ANKRD30A: variants seen among roughly 807,000 people sequenced by gnomAD.
ANKRD30A encodes the protein ankyrin repeat domain-containing protein 30A.
A neutral mutation model predicts 166.3 loss-of-function variants in ANKRD30A; 170 were observed. The ratio of observed to expected loss-of-function variants is 1.02; its 90% CI spans 0.90 to 1.16. ANKRD30A has a LOEUF of 1.16. Ranked by LOEUF, ANKRD30A falls within the 50% of genes most tolerant of loss-of-function variation. The probability of loss-of-function intolerance (pLI) is 0.00; values close to 1 mark genes in which losing one functional copy is unlikely to be tolerated. For synonymous variants in ANKRD30A, 564 were observed against 508.9 expected, an observed-to-expected ratio of 1.11 and a Z score of -1.46; for missense variants, 1,630 against 1,518.0, an observed-to-expected ratio of 1.07 and a Z score of -1.23.
At chr10:37,191,152 A>C (rs1840534072) in intron 25 of ANKRD30A, among the ~76,000 whole-genome samples, 1 of 151,438 alleles carries the variant, frequency 6.6e-6, no homozygotes, top group Admixed American at 6.6e-5. Flanking sequence ...AAAGCTTATT[A>C]AATTTGCTAT....
chr10:37,155,589 G>A (rs886080500), intron 13 of ANKRD30A, among the ~76,000 whole-genome samples: 35 of 152,080 alleles, frequency 2.3e-4, no homozygotes, highest in African/African-American at 6.3e-4. Context: ...AGCATTCTAC[G>A]TTCAGCTTTT....
At chr10:37,226,980 T>A (rs950693787) in intron 34 of ANKRD30A, among the ~76,000 whole-genome samples, 1 of 151,926 alleles carries the variant, frequency 6.6e-6, no homozygotes, top group Admixed American at 6.6e-5. Flanking sequence ...GAGAAATGTC[T>A]CTTTCCATCC....
intron 13 of ANKRD30A, among the ~76,000 whole-genome samples, chr10:37,157,500 G>A (rs1447614585): frequency 3.3e-5 from 5 of 152,268 alleles, no homozygotes; most frequent in South Asian, 4.1e-4. Context: ...CAAGTAGCTG[G>A]GTTTACAGGC....
At chr10:37,239,930 C>G in the ANKRD30A span, among the ~76,000 whole-genome samples, 1 of 152,000 alleles carries the variant, frequency 6.6e-6, no homozygotes, top group African/African-American at 2.4e-5. Context: ...TAATATTTGA[C>G]TTATTTAAAA....
At chr10:37,255,118 G>C in the ANKRD30A span, among the ~76,000 whole-genome samples, 1 of 152,132 alleles carries the variant, frequency 6.6e-6, no homozygotes, top group Admixed American at 6.5e-5. Context: ...GGCCATAAAG[G>C]TTTATTGCTA....
chr10:37,221,044 ATTT>A (rs35150938), intron 34 of ANKRD30A, among the ~76,000 whole-genome samples: 112 of 131,002 alleles, frequency 8.5e-4, no homozygotes, highest in African/African-American at 2.8e-3. Flanking sequence ...TCCTTCCCAC[ATTT>A]TTTTTTTTTT....
Position 37,231,581 on chromosome 10 carries a change from A to T in ANKRD30A, c.*112A>T. The T allele has an allele frequency of 1.3e-6, 1 of 791,780 alleles. No individual in the cohort carries two copies. The highest frequency in any genetic ancestry group is 1.9e-6 in the Non-Finnish European group (1 of 520,830). The allele number at this position is 791,780 out of a possible 1,614,324, so 49.0% of individuals were successfully genotyped here. On this transcript the variant is annotated 3_prime_UTR_variant, in exon 35 of 36. Coordinates refer to ENST00000361713, the MANE Select transcript of ANKRD30A (RefSeq NM_052997.3). ...ACCTTATGTTGAAAATCTTACCAATAGTCTGTGTCAACAGAATACTTATTT... is the reference window on the plus strand; with the variant it reads ...ACCTTATGTTGAAAATCTTACCAATTGTCTGTGTCAACAGAATACTTATTT...
Position 37,165,130 on chromosome 10 carries a change from A to G in ANKRD30A, c.2039A>G (p.Tyr680Cys), listed in dbSNP as rs1357729821. ...ILPSESKQKD[Y>C]EENSWDTESL... is the part of the protein sequence containing the mutation. ...CCATCAGAATCCAAACAAAAGGACT[A>G]TGAAGAAAATTCTTGGGATACTGAG... The change falls in exon 18 of 36, where the codon TAT (tyrosine) becomes TGT (cysteine). Residue 680 changes from tyrosine to cysteine, a missense_variant. Coordinates refer to ENST00000361713, the MANE Select transcript of ANKRD30A (RefSeq NM_052997.3). The G allele has an allele frequency of 1.2e-6, 2 of 1,609,170 alleles. No individual in the cohort carries two copies. Among genetic ancestry groups the G allele is most frequent in the African/African-American group, 2.7e-5 (2 of 74,794 alleles).
Position 37,201,050 on chromosome 10 carries a change from T to G in ANKRD30A, c.2779-185T>G, listed in dbSNP as rs976806538. 1.7e-4 allele frequency among the ~76,000 whole-genome samples: 26 copies of G among 152,052 alleles called. 1 individual carries two copies. The highest frequency in any genetic ancestry group is 6.3e-4 in the African/African-American group (26 of 41,434). ...GGCCACATGGACATAAAGATCAGCTTGATGTAGAGAGGGTTATGTGAGGTT... is the reference window on the plus strand; with the variant it reads ...GGCCACATGGACATAAAGATCAGCTGGATGTAGAGAGGGTTATGTGAGGTT... On this transcript the variant is annotated intron_variant, in intron 30 of 35. Transcript: ENST00000361713.
the ANKRD30A span, among the ~76,000 whole-genome samples, chr10:37,265,862 C>A: frequency 4.6e-5 from 7 of 152,316 alleles, no homozygotes; most frequent in Non-Finnish European, 8.8e-5. Flanking sequence ...ACTTACTCTG[C>A]GGAAGTAAAC....
chr10:37,239,136 G>T, the ANKRD30A span, among the ~76,000 whole-genome samples: 1 of 152,192 alleles, frequency 6.6e-6, no homozygotes, highest in East Asian at 1.9e-4. Flanking sequence ...AATGGAGCTT[G>T]AAATAATCCC....
intron 29 of ANKRD30A, among the ~76,000 whole-genome samples, 178 bp downstream of exon 29, chr10:37,197,658 A>T (rs1200519618): frequency 6.6e-6 from 1 of 151,912 alleles, no homozygotes; most frequent in Non-Finnish European, 1.5e-5. Context: ...AATTTTCAAT[A>T]TTTTTTTTAA....
intron 2 of ANKRD30A, 73 bp downstream of exon 2, chr10:37,130,080 C>T: frequency 8.2e-7 from 1 of 1,217,670 alleles, no homozygotes; most frequent in Non-Finnish European, 1.1e-6. Flanking sequence ...GAATTTATCT[C>T]ATTGAAATAC....
At chr10:37,256,123 C>T in the ANKRD30A span, among the ~76,000 whole-genome samples, 2 of 152,312 alleles carry the variant, frequency 1.3e-5, no homozygotes, top group South Asian at 4.1e-4. Context: ...TAGACATTCA[C>T]TTAACTCATT....
chr10:37,220,623 G>T (rs1193776475), intron 34 of ANKRD30A, among the ~76,000 whole-genome samples: 1 of 150,824 alleles, frequency 6.6e-6, no homozygotes, highest in African/African-American at 2.4e-5. Context: ...TCACCCCACT[G>T]GTATTTATAA....
At chr10:37,135,997 G>GC (rs1356642906) in intron 5 of ANKRD30A, among the ~76,000 whole-genome samples, 1 of 152,018 alleles carries the variant, frequency 6.6e-6, no homozygotes, top group Non-Finnish European at 1.5e-5. Flanking sequence ...TCCCTATGTT[G>GC]CCCAGGGTTG....
chr10:37,152,032 G>A (rs1452962341), intron 11 of ANKRD30A, 28 bp from the exon 12 acceptor site: 3 of 1,567,124 alleles, frequency 1.9e-6, no homozygotes, highest in Admixed American at 3.5e-5. Flanking sequence ...ATGTTGTCAT[G>A]AATGTTTCTG....
chr10:37,155,032 C>T (rs1355902956), intron 13 of ANKRD30A, among the ~76,000 whole-genome samples: 1 of 152,062 alleles, frequency 6.6e-6, no homozygotes, highest in Admixed American at 6.6e-5. Flanking sequence ...GTAAAATTGC[C>T]ATTTTATAAA....
the ANKRD30A span, among the ~76,000 whole-genome samples, chr10:37,240,235 T>C: frequency 2.0e-5 from 3 of 152,154 alleles, no homozygotes; most frequent in Non-Finnish European, 4.4e-5. Flanking sequence ...AAGTCTCAAG[T>C]AGTCGGCATA....
Sources: allele counts gnomAD v4.1 joint callset (sites outside exome capture counted in the v4.1 genomes callset), GRCh38; gene constraint gnomAD v4.1.1; transcripts MANE v1.5; gene names NCBI Gene and HGNC (gene_info 2026-07-23, HGNC 2026-07-21).